The following MYO19 variants were observed in gnomAD, a reference collection of about 807,000 sequenced individuals.
The protein encoded by MYO19 is myosin XIX.
Under a neutral mutation model 129.2 loss-of-function variants are expected in MYO19, and 132 were observed. That is an observed-to-expected ratio of 1.02 (90% CI 0.89 to 1.18). The LOEUF (loss-of-function observed/expected upper bound fraction) is 1.18. Ranked by LOEUF, MYO19 falls within the 50% of genes most tolerant of loss-of-function variation. MYO19 has a pLI of 0.00. For synonymous variants in MYO19, 531 were observed against 477.2 expected (o/e 1.11, Z -1.47); for missense variants, 1,210 against 1,216.7 (o/e 0.99, Z 0.08).
chr17:36,532,623 G>C lies in MYO19; in HGVS notation c.-85C>G, dbSNP rs928725396. The C allele has an allele frequency of 1.3e-6, 2 of 1,489,790 alleles. No homozygotes were observed. The highest frequency in any genetic ancestry group is 1.8e-6 in the Non-Finnish European group (2 of 1,091,290). 92.3% of individuals were successfully genotyped at this position (1,489,790 alleles called of 1,614,324 possible). On this transcript the variant is annotated 5_prime_UTR_variant, in exon 3 of 26. Transcript: ENST00000614623. ...ACCTAGTCATGGGACCATGGGCTGG[G>C]GTATGGTTCCAACAAAGGGCTCAGT...
Position 36,496,254 on chromosome 17 carries a change from C to T in MYO19, c.2910G>A (p.Gly970=), listed in dbSNP as rs770479272. Residue 970 remains glycine (G), a synonymous_variant, in exon 26 of 26, where the codon GGG becomes GGA. Transcript: ENST00000614623. The stretch of plus-strand genomic sequence containing the variant: ...GTGGAAACAAAGGCACCAAGGATCA[C>T]CCCAGCCCAGTGAAGGCAGAAGAGG... The part of the protein sequence containing the change: ...HVTSSAFTGL[G] 7 of 1,613,810 alleles carry T rather than the reference C, an allele frequency of 4.3e-6. No homozygotes were observed. The Admixed American group carries it at 1.0e-4, about 23-fold the overall frequency.
upstream of MYO19, chr17:36,537,506 T>TA (rs1325261006): frequency 6.2e-7 from 1 of 1,614,094 alleles, no homozygotes; most frequent in Non-Finnish European, 8.5e-7. Context: ...TCCGTGTAAT[T>TA]ACCAGTGCGT....
At chr17:36,531,305 G>A (rs1278078570) in intron 3 of MYO19, among the ~76,000 whole-genome samples, 2 of 145,150 alleles carry the variant, frequency 1.4e-5, no homozygotes, top group Non-Finnish European at 3.0e-5. Flanking sequence ...TGAGGCAGGA[G>A]AATAGCATGA....
At chr17:36,503,657 A>G (rs2071685255) in intron 20 of MYO19, among the ~76,000 whole-genome samples, 1 of 152,168 alleles carries the variant, frequency 6.6e-6, no homozygotes, top group South Asian at 2.1e-4. Flanking sequence ...CTGGCACCTG[A>G]TATCTGCACT....
In MYO19 at chr17:36,496,030, G is replaced by T; in HGVS notation, c.*221C>A. 1.3e-6 allele frequency: 1 copy of T among 783,088 alleles called. No homozygotes were observed. Among genetic ancestry groups the T allele is most frequent in the South Asian group, 2.6e-5 (1 of 38,098 alleles). 48.5% of individuals were successfully genotyped at this position (783,088 alleles called of 1,614,324 possible). A position where few individuals can be genotyped will look rare whatever the true frequency, so the allele number is the denominator to read the frequency against. On this transcript the variant is annotated 3_prime_UTR_variant, in exon 26 of 26. Transcript: ENST00000614623. ...CCCTGATGTTTCTTAACCCTGATTT[G>T]GTAACTACCAGCCCTGACACCATCA...
chr17:36,501,168 C>G lies in MYO19; in HGVS notation c.2148G>C (p.Pro716=). The G allele has an allele frequency of 2.5e-6, 4 of 1,614,016 alleles. No homozygotes were observed. Among genetic ancestry groups the G allele is most frequent in the Non-Finnish European group, 2.5e-6 (3 of 1,179,884 alleles). The change falls in exon 22 of 26, where the codon CCG becomes CCC. Residue 716 remains proline (P), a synonymous_variant. Coordinates refer to ENST00000614623, the MANE Select transcript of MYO19 (RefSeq NM_001163735.2). Reference sequence around the variant, plus strand: ...TTATGGCTGCTGCCTGAGTTAGGACCGGCAGAGTGTGGAGAATGTCCTGGA... The same window carrying G: ...TTATGGCTGCTGCCTGAGTTAGGACGGGCAGAGTGTGGAGAATGTCCTGGA... ...PLIQDILHTL[P]VLTQAAAITG...
chr17:36,501,325 T>C (rs117302385), intron 21 of MYO19, 90 bp from the exon 22 acceptor site: 42,479 of 1,339,502 alleles, frequency 0.032, 816 homozygotes, highest in South Asian at 0.071. Context: ...CCTAGCACTC[T>C]ACAGGTCTCT....
At position 36,495,818 on chromosome 17, in the gene MYO19, C is replaced by G. The variant is rs1301498637; in HGVS notation, c.*433G>C. On this transcript the variant is annotated 3_prime_UTR_variant, in exon 26 of 26. Coordinates refer to ENST00000614623, the MANE Select transcript of MYO19 (RefSeq NM_001163735.2). The stretch of plus-strand genomic sequence containing the variant: ...ATTAAATAAATCAACTAATTAAATA[C>G]TAAAGTTTTGTTCCTTTTTAAAGGA... 7.3e-6 allele frequency: 9 copies of G among 1,240,646 alleles called. No individual in the cohort carries two copies. The highest frequency in any genetic ancestry group is 3.1e-4 in the Middle Eastern group (1 of 3,260). The allele number at this position is 1,240,646 out of a possible 1,614,324, so 76.9% of individuals were successfully genotyped here.
At chr17:36,541,234 C>T (rs533115180) in intron 2 of MYO19, among the ~76,000 whole-genome samples, 7 of 152,306 alleles carry the variant, frequency 4.6e-5, no homozygotes, top group South Asian at 4.1e-4. Flanking sequence ...TGCGAGCCAC[C>T]GCACCCGGCC....
chr17:36,500,253 T>A (rs2142769738), intron 23 of MYO19: 1 of 152,552 alleles, frequency 6.6e-6, no homozygotes, highest in East Asian at 1.9e-4. Context: ...GGTATGAATA[T>A]CATTTTGGAA....
At chr17:36,535,098 C>T (rs2074057236), upstream of MYO19, 1 of 152,452 alleles carries the variant, frequency 6.6e-6, no homozygotes, top group African/African-American at 2.4e-5. Flanking sequence ...GGTAAAGCGG[C>T]AGCTTCCCAC....
chr17:36,543,942 A>C (rs1217281922), upstream of MYO19, among the ~76,000 whole-genome samples: 1 of 152,192 alleles, frequency 6.6e-6, no homozygotes, highest in East Asian at 1.9e-4. Flanking sequence ...TACTTTTTTT[A>C]AAGGTATCAC....
In MYO19 at chr17:36,515,130, G is replaced by C. The variant is rs1304505898; in HGVS notation, c.600C>G (p.Ile200Met). ...GCTATTACCTGTTCAGCTGGAGCTG[G>C]ATGAACTTCCCAAAGCGACTGCTGT... The part of the protein sequence containing the change: ...NNNSSRFGKF[I>M]QLQLNRAQQM... The change falls in exon 8 of 26, where the codon ATC becomes ATG. Residue 200 changes from isoleucine to methionine, a missense_variant. Transcript: ENST00000614623. 5 of 1,610,774 alleles carry C rather than the reference G, an allele frequency of 3.1e-6. No homozygotes were observed. In the East Asian group the frequency reaches 1.1e-4, roughly 36 times the overall value.
chr17:36,515,832 T>C (rs751427019), intron 7 of MYO19, 26 bp downstream of exon 7: 2 of 1,594,624 alleles, frequency 1.3e-6, no homozygotes, highest in Non-Finnish European at 1.7e-6. Flanking sequence ...GGGACTGAGA[T>C]ACTGTGCAAA....
rs142597018 is a variant in MYO19, at chr17:36,506,959, G to A, written c.1644+4C>T. 0.013 allele frequency: 20,463 copies of A among 1,588,330 alleles called. 145 individuals are homozygous for A. Among genetic ancestry groups the A allele is most frequent in the Non-Finnish European group, 0.015 (17,228 of 1,161,926 alleles). ...GGCCCCACAGGGCATGGCCCAGCCCGTACCTTGTTCTTCTCCACCAGGCCT... is the reference window on the plus strand; with the variant it reads ...GGCCCCACAGGGCATGGCCCAGCCCATACCTTGTTCTTCTCCACCAGGCCT... On this transcript the variant is annotated splice_donor_region_variant and intron_variant, in intron 17 of 25. Coordinates refer to ENST00000614623, the MANE Select transcript of MYO19 (RefSeq NM_001163735.2).
intron 25 of MYO19, 31 bp from the exon 26 acceptor site, chr17:36,496,437 A>G (rs2070980212): frequency 6.2e-7 from 1 of 1,611,344 alleles, no homozygotes; most frequent in African/African-American, 1.3e-5. Flanking sequence ...CAGCTTTAGC[A>G]CTAGTTCCTG....
At chr17:36,531,922 G>C (rs972065120) in intron 3 of MYO19, among the ~76,000 whole-genome samples, 3 of 152,208 alleles carry the variant, frequency 2.0e-5, no homozygotes, top group Non-Finnish European at 4.4e-5. Flanking sequence ...TCAGGACCAA[G>C]AGTTACACAT....
intron 11 of MYO19, chr17:36,512,714 C>T (rs1484643513): frequency 7.8e-7 from 1 of 1,289,186 alleles, no homozygotes; most frequent in African/African-American, 1.5e-5. Flanking sequence ...CACTGCATTG[C>T]TACCTCCCTG....
Position 36,500,887 on chromosome 17 carries a change from G to C in MYO19, c.2320C>G (p.Arg774Gly), listed in dbSNP as rs376989253. 8.7e-6 allele frequency: 14 copies of C among 1,606,536 alleles called. No homozygotes were observed. In the Admixed American group the frequency reaches 1.7e-4, roughly 19 times the overall value. Residue 774 changes from arginine to glycine, a missense_variant, in exon 23 of 26, where the codon CGA becomes GGA. Arg to Gly is a moderately radical substitution (Grantham distance 125). Coordinates refer to ENST00000614623, the MANE Select transcript of MYO19 (RefSeq NM_001163735.2). Reference sequence around the variant, plus strand: ...CGCTCCTGCTCTCGGTGCCGGTGTCGCCTCCAGCCACCCTGGATGCAGCGG... The same window carrying C: ...CGCTCCTGCTCTCGGTGCCGGTGTCCCCTCCAGCCACCCTGGATGCAGCGG... ...CARCIQGGWR[R>G]HRHREQERQW...
Sources: gnomAD v4.1 joint callset for allele counts (sites outside exome capture counted in the v4.1 genomes callset) on GRCh38, gnomAD v4.1.1 for gene constraint, MANE v1.5 for transcripts, NCBI Gene and HGNC (gene_info 2026-07-23, HGNC 2026-07-21) for gene names.